Variants in GLG1 observed in about 807,000 individuals in gnomAD.
GLG1 encodes the protein golgi glycoprotein 1, also known as Golgi apparatus protein 1.
Under a neutral mutation model 160.5 loss-of-function variants are expected in GLG1, and 38 were observed. The ratio of observed to expected loss-of-function variants is 0.24; its 90% confidence interval spans 0.18 to 0.31. The LOEUF is 0.31. GLG1 is among the 10% of genes least tolerant of loss of function. GLG1 has a pLI of 1.00. For synonymous variants in GLG1, 644 were observed against 543.4 expected, an observed-to-expected ratio of 1.19 and a Z score of -2.57; for missense variants, 1,373 against 1,505.2, an observed-to-expected ratio of 0.91 and a Z score of 1.45.
At chr16:74,478,911 G>C (rs1016790678) in intron 11 of GLG1, among the ~76,000 whole-genome samples, 15 of 140,916 alleles carry the variant, frequency 1.1e-4, no homozygotes, top group Admixed American at 2.9e-4. Context: ...AAAAAAAAGG[G>C]GGGGGTTATT....
intron 7 of GLG1, among the ~76,000 whole-genome samples, chr16:74,491,909 G>C (rs2016007059): frequency 6.6e-6 from 1 of 150,900 alleles, no homozygotes; most frequent in Non-Finnish European, 1.5e-5. Context: ...TTACAAGCGT[G>C]AGCCACCGCG....
At chr16:74,522,459 T>C (rs2143561483) in intron 2 of GLG1, among the ~76,000 whole-genome samples, 1 of 152,354 alleles carries the variant, frequency 6.6e-6, no homozygotes, top group African/African-American at 2.4e-5. Context: ...ACGTCCCTGA[T>C]TACTAAGCGA....
At chr16:74,518,015 G>A (rs1275733803) in intron 2 of GLG1, among the ~76,000 whole-genome samples, 1 of 152,118 alleles carries the variant, frequency 6.6e-6, no homozygotes, top group Non-Finnish European at 1.5e-5. Flanking sequence ...ACCTCTTCAA[G>A]GAGAACTACA....
intron 1 of GLG1, among the ~76,000 whole-genome samples, chr16:74,592,677 G>C (rs902237603): frequency 6.6e-6 from 1 of 152,146 alleles, no homozygotes; most frequent in African/African-American, 2.4e-5. Flanking sequence ...AAGTGAGCTA[G>C]GGTTTGAATC....
intron 1 of GLG1, among the ~76,000 whole-genome samples, chr16:74,601,423 TA>T (rs76858663): frequency 0.036 from 5,010 of 140,410 alleles, 82 homozygotes; most frequent in African/African-American, 0.051. Context: ...CTCTTAAAAT[TA>T]AAAAAAAAAA....
intron 15 of GLG1, among the ~76,000 whole-genome samples, chr16:74,470,414 C>T (rs2015162337): frequency 6.7e-6 from 1 of 149,840 alleles, no homozygotes; most frequent in Non-Finnish European, 1.5e-5. Context: ...TCCATCCATC[C>T]ATCCTAAATA....
At chr16:74,595,464 G>A (rs1024640892) in intron 1 of GLG1, among the ~76,000 whole-genome samples, 6 of 152,026 alleles carry the variant, frequency 3.9e-5, no homozygotes, top group Non-Finnish European at 8.8e-5. Context: ...ATGAACCCAG[G>A]AGGCAGAGCT....
At chr16:74,488,773 C>T (rs1191429246) in intron 8 of GLG1, among the ~76,000 whole-genome samples, 2 of 152,054 alleles carry the variant, frequency 1.3e-5, no homozygotes, top group Non-Finnish European at 2.9e-5. Context: ...GTGCATGCCA[C>T]CACGCCCGGC....
chr16:74,509,614 C>T (rs527890499), intron 2 of GLG1, among the ~76,000 whole-genome samples: 15 of 151,920 alleles, frequency 9.9e-5, no homozygotes, highest in Non-Finnish European at 2.2e-4. Flanking sequence ...CTTTGGGAGG[C>T]AGAGGCGGGC....
intron 1 of GLG1, among the ~76,000 whole-genome samples, chr16:74,538,425 C>T (rs1331298161): frequency 1.3e-5 from 2 of 152,068 alleles, no homozygotes; most frequent in Admixed American, 6.6e-5. Flanking sequence ...CAAAATAAAC[C>T]CAATCTTTTA....
chr16:74,468,910 CT>C, intron 17 of GLG1, 35 bp downstream of exon 17: 1 of 1,293,140 alleles, frequency 7.7e-7, no homozygotes, highest in African/African-American at 1.4e-5. Context: ...CCCTGGCCCA[CT>C]GTGGTTTCTG....
chr16:74,588,138 T>G (rs976122308), intron 1 of GLG1, among the ~76,000 whole-genome samples: 3 of 151,962 alleles, frequency 2.0e-5, no homozygotes, highest in Non-Finnish European at 4.4e-5. Context: ...AGCCCACTTG[T>G]GGGACAATAG....
At chr16:74,525,912 T>C (rs913487358) in intron 2 of GLG1, among the ~76,000 whole-genome samples, 1 of 152,128 alleles carries the variant, frequency 6.6e-6, no homozygotes, top group Non-Finnish European at 1.5e-5. Flanking sequence ...TCCCAGCACT[T>C]TGGGAGGCTG....
chr16:74,544,891 A>T (rs2018003235), intron 1 of GLG1, among the ~76,000 whole-genome samples: 1 of 152,046 alleles, frequency 6.6e-6, no homozygotes, highest in African/African-American at 2.4e-5. Flanking sequence ...ATAATCTATA[A>T]TTATAATAAT....
At chr16:74,465,128 C>T (rs1208934565) in intron 19 of GLG1, among the ~76,000 whole-genome samples, 3 of 152,166 alleles carry the variant, frequency 2.0e-5, no homozygotes, top group Admixed American at 1.3e-4. Flanking sequence ...CGTGAGCCAC[C>T]GTGCCCTGCC....
Position 74,451,776 on chromosome 16 carries a change from C to T in GLG1, c.*1391G>A. ...ACGCTGAACCATGATGCCCGGACCC[C>T]TCCCTCTCACACCCAGACTTGTCAT... On this transcript the variant is annotated 3_prime_UTR_variant, in exon 26 of 26. Coordinates refer to ENST00000422840, the MANE Select transcript of GLG1 (RefSeq NM_001145667.2). 2.4e-6 allele frequency: 1 copy of T among 416,528 alleles called. No homozygotes were observed. The highest frequency in any genetic ancestry group is 2.7e-5 in the South Asian group (1 of 36,950). 25.8% of individuals were successfully genotyped at this position (416,528 alleles called of 1,614,324 possible). A position where few individuals can be genotyped will look rare whatever the true frequency, so the allele number is the denominator to read the frequency against.
intron 1 of GLG1, among the ~76,000 whole-genome samples, chr16:74,560,775 G>A (rs1188809110): frequency 2.0e-5 from 3 of 152,018 alleles, no homozygotes; most frequent in African/African-American, 7.3e-5. Flanking sequence ...GAAGCCAGGA[G>A]TTTGATTGAG....
intron 13 of GLG1, chr16:74,474,152 CTA>C (rs2015315705): frequency 6.2e-6 from 1 of 160,702 alleles, no homozygotes; most frequent in Non-Finnish European, 1.4e-5. Flanking sequence ...CGGGGTTTCA[CTA>C]TGTTTGGCAA....
intron 1 of GLG1, among the ~76,000 whole-genome samples, chr16:74,602,175 G>A (rs1958453538): frequency 6.6e-6 from 1 of 152,072 alleles, no homozygotes; most frequent in Non-Finnish European, 1.5e-5. Flanking sequence ...GTTAATTCCT[G>A]TTCAATACCT....
Sources: allele counts gnomAD v4.1 joint callset (sites outside exome capture counted in the v4.1 genomes callset), GRCh38; gene constraint gnomAD v4.1.1; transcripts MANE v1.5; gene names NCBI Gene and HGNC (gene_info 2026-07-23, HGNC 2026-07-21).